The following IL1RAPL1 variants were observed in gnomAD, a reference collection of about 807,000 sequenced individuals.
IL1RAPL1 encodes interleukin-1 receptor accessory protein-like 1.
In IL1RAPL1, 3 loss-of-function variants were observed where a neutral mutation model predicts 48.4. The ratio of observed to expected loss-of-function variants is 0.06; its 90% CI spans 0.03 to 0.16. The LOEUF (loss-of-function observed/expected upper bound fraction) is 0.16. Ranked by LOEUF, IL1RAPL1 falls within the 10% of genes least tolerant of loss-of-function variation. IL1RAPL1 has a pLI of 1.00. For missense variants in IL1RAPL1, 349 were observed against 530.6 expected, an observed-to-expected ratio of 0.66 and a Z score of 3.36; for synonymous variants, 185 against 187.7, an observed-to-expected ratio of 0.99 and a Z score of 0.12.
intron 2 of IL1RAPL1, among the ~76,000 whole-genome samples, chrX:28,896,671 C>T (rs766101668): frequency 1.6e-3 from 179 of 109,583 alleles, no homozygotes; most frequent in Middle Eastern, 9.3e-3. Flanking sequence ...CTCGGCCTGG[C>T]GAGGAGCAGC....
At chrX:29,721,524 T>C (rs1431847181) in intron 6 of IL1RAPL1, among the ~76,000 whole-genome samples, 1 of 111,707 alleles carries the variant, frequency 9.0e-6, no homozygotes, top group Non-Finnish European at 1.9e-5. Context: ...AAAAACTTGA[T>C]AAGCTACCAG....
chrX:28,871,625 G>C (rs1016484351), intron 2 of IL1RAPL1, among the ~76,000 whole-genome samples: 5 of 111,657 alleles, frequency 4.5e-5, no homozygotes, highest in Non-Finnish European at 9.4e-5. Flanking sequence ...TCTGAGCTGA[G>C]TTATGATATA....
At chrX:29,492,291 C>A (rs181578746) in intron 5 of IL1RAPL1, among the ~76,000 whole-genome samples, 2 of 112,010 alleles carry the variant, frequency 1.8e-5, no homozygotes, top group Non-Finnish European at 3.8e-5. Flanking sequence ...TTGCTCTTAG[C>A]CTTTTGCAAA....
At chrX:29,722,372 T>C (rs1185407305) in intron 6 of IL1RAPL1, among the ~76,000 whole-genome samples, 2 of 112,332 alleles carry the variant, frequency 1.8e-5, no homozygotes, top group Non-Finnish European at 3.8e-5. Flanking sequence ...AGAAAGGTCA[T>C]ATTTATCCAA....
intron 1 of IL1RAPL1, among the ~76,000 whole-genome samples, chrX:28,779,376 G>A (rs1936392446): frequency 9.2e-6 from 1 of 108,545 alleles, no homozygotes; most frequent in Admixed American, 1.0e-4. Flanking sequence ...TATGGAAATG[G>A]ACTTTTTCTA....
chrX:29,909,056 T>G (rs1932708752), intron 6 of IL1RAPL1, among the ~76,000 whole-genome samples: 1 of 111,549 alleles, frequency 9.0e-6, no homozygotes, highest in African/African-American at 3.3e-5. Context: ...ATTGTATTAG[T>G]AAAACTTCTA....
intron 2 of IL1RAPL1, among the ~76,000 whole-genome samples, chrX:29,248,063 A>C (rs1298472619): frequency 2.7e-5 from 3 of 111,881 alleles, no homozygotes; most frequent in Non-Finnish European, 5.6e-5. Context: ...GAAGTAATAC[A>C]GTTCAAGGTG....
rs35894909 is a variant in IL1RAPL1 at position 29,313,253 on chromosome X, C to CTGTGTG, written c.362+30065_362+30070dup. 2.7e-3 allele frequency among the ~76,000 whole-genome samples: 242 copies of CTGTGTG among 90,798 alleles called. 2 individuals carry two copies. Among genetic ancestry groups the CTGTGTG allele is most frequent in the African/African-American group, 6.5e-3 (171 of 26,213 alleles). The allele number at this position is 90,798 out of a possible 115,157, so 78.8% of individuals were successfully genotyped here. ...CTCAATAAAACACAGACATACAAGC[C>CTGTGTG]TGTGTGTGTGTGTGTGTGTGTGTGT... On this transcript the variant is annotated intron_variant, in intron 3 of 10. Coordinates refer to ENST00000378993, the MANE Select transcript of IL1RAPL1 (RefSeq NM_014271.4).
intron 2 of IL1RAPL1, among the ~76,000 whole-genome samples, chrX:28,911,904 A>G (rs924467735): frequency 7.4e-5 from 8 of 107,913 alleles, no homozygotes; most frequent in African/African-American, 2.7e-4. Flanking sequence ...AAAGGAAAGC[A>G]ATACTCTTGT....
At chrX:29,506,609 G>A (rs1031601981) in intron 5 of IL1RAPL1, among the ~76,000 whole-genome samples, 1 of 110,821 alleles carries the variant, frequency 9.0e-6, no homozygotes, top group Non-Finnish European at 1.9e-5. Flanking sequence ...GGTATCCAAG[G>A]GGATATTGCA....
chrX:29,061,589 G>A (rs1927342354), intron 2 of IL1RAPL1, among the ~76,000 whole-genome samples: 1 of 111,524 alleles, frequency 9.0e-6, no homozygotes, highest in South Asian at 3.8e-4. Context: ...CTCCCAGGTA[G>A]CTGGTATTAC....
chrX:28,726,824 C>G (rs1428411395), intron 1 of IL1RAPL1, among the ~76,000 whole-genome samples: 1 of 111,033 alleles, frequency 9.0e-6, no homozygotes, highest in East Asian at 2.8e-4. Flanking sequence ...TGATTTGACC[C>G]CAGAGCTCTA....
chrX:29,127,977 A>AAT (rs1555966834), intron 2 of IL1RAPL1, among the ~76,000 whole-genome samples: 1 of 109,200 alleles, frequency 9.2e-6, no homozygotes, highest in Non-Finnish European at 1.9e-5. Context: ...AAAAAAAAAA[A>AAT]ATATTAACAT....
chrX:29,823,468 C>G (rs146753751), intron 6 of IL1RAPL1, among the ~76,000 whole-genome samples: 26 of 112,134 alleles, frequency 2.3e-4, no homozygotes, highest in African/African-American at 8.4e-4. Flanking sequence ...AACACTGGAA[C>G]ACAGATACAA....
chrX:29,088,692 A>G (rs1399121564), intron 2 of IL1RAPL1, among the ~76,000 whole-genome samples: 1 of 108,397 alleles, frequency 9.2e-6, no homozygotes, highest in Non-Finnish European at 1.9e-5. Context: ...AAAAAAAAAA[A>G]AAAGAAAAGA....
intron 2 of IL1RAPL1, among the ~76,000 whole-genome samples, chrX:29,068,333 C>T: frequency 8.9e-6 from 1 of 112,096 alleles, no homozygotes; most frequent in Non-Finnish European, 1.9e-5. Context: ...ATACGAGTTG[C>T]TCTACTGGGC....
intron 2 of IL1RAPL1, among the ~76,000 whole-genome samples, chrX:28,955,249 T>A (rs762972997): frequency 9.0e-6 from 1 of 111,612 alleles, no homozygotes; most frequent in Non-Finnish European, 1.9e-5. Flanking sequence ...ACTGAGATAA[T>A]CTCTTCATGT....
intron 5 of IL1RAPL1, among the ~76,000 whole-genome samples, chrX:29,438,819 A>G (rs1481679946): frequency 9.0e-6 from 1 of 110,969 alleles, no homozygotes; most frequent in East Asian, 2.8e-4. Flanking sequence ...ATGGGAACTT[A>G]AAAAGAATGG....
intron 2 of IL1RAPL1, among the ~76,000 whole-genome samples, chrX:29,091,228 A>G (rs1347936213): frequency 8.9e-6 from 1 of 112,256 alleles, no homozygotes; most frequent in Non-Finnish European, 1.9e-5. Context: ...ATCTTCAACA[A>G]TCCTCTCCTT....
Sources: gnomAD v4.1 joint callset for allele counts (sites outside exome capture counted in the v4.1 genomes callset) on GRCh38, gnomAD v4.1.1 for gene constraint, MANE v1.5 for transcripts, NCBI Gene and HGNC (gene_info 2026-07-23, HGNC 2026-07-21) for gene names.